The following DOCK7 variants were observed in gnomAD, a reference collection of about 807,000 sequenced individuals.
The protein encoded by DOCK7 is dedicator of cytokinesis 7.
DOCK7 carries 138 observed loss-of-function variants against 271.0 expected under a neutral mutation model. The ratio of observed to expected loss-of-function variants is 0.51; its 90% CI spans 0.44 to 0.59. The LOEUF (loss-of-function observed/expected upper bound fraction) is 0.59, where lower values mean the gene tolerates loss of function less well. Among genes scored for constraint, DOCK7 ranks in the 20% least tolerant of loss-of-function variants. The pLI, the probability that DOCK7 is intolerant of heterozygous loss-of-function variation, is 0.00. For synonymous variants in DOCK7, 823 were observed against 876.1 expected, an observed-to-expected ratio of 0.94 and a Z score of 1.07; for missense variants, 2,066 against 2,592.4, an observed-to-expected ratio of 0.80 and a Z score of 4.41.
In DOCK7 at chr1:62,663,215, T is replaced by G. The variant is rs190105395; in HGVS notation, c.39-85A>C. On this transcript the variant is annotated intron_variant, in intron 1 of 49. Coordinates refer to ENST00000635253, the MANE Select transcript of DOCK7 (RefSeq NM_001367561.1). ...TAAAATGGAGGGAAGCTAAATACAT[T>G]AAAGATTCATTTAAAGAAAAACAAA... The G allele has an allele frequency of 5.0e-4, 515 of 1,024,366 alleles. 3 individuals carry two copies. In the African/African-American group the frequency reaches 7.6e-3, roughly 15 times the overall value. 63.5% of individuals were successfully genotyped at this position (1,024,366 alleles called of 1,614,324 possible).
intron 18 of DOCK7, among the ~76,000 whole-genome samples, chr1:62,574,850 C>G (rs1346402254): frequency 6.6e-6 from 1 of 152,150 alleles, no homozygotes; most frequent in Non-Finnish European, 1.5e-5. Flanking sequence ...ACGCCTCAGC[C>G]TCACAAGTAG....
At chr1:62,540,109 A>G (rs1323067733) in intron 25 of DOCK7, among the ~76,000 whole-genome samples, 2 of 152,104 alleles carry the variant, frequency 1.3e-5, no homozygotes, top group Non-Finnish European at 2.9e-5. Context: ...AAATTATGCT[A>G]GCTAACAATA....
intron 7 of DOCK7, 27 bp from the exon 8 acceptor site, chr1:62,636,630 T>C (rs930609784): frequency 6.5e-7 from 1 of 1,534,154 alleles, no homozygotes. Flanking sequence ...GATAAAATAA[T>C]TTAAAGATAA....
At chr1:62,561,581 A>C (rs1646323565) in intron 19 of DOCK7, 36 bp downstream of exon 19, 19 of 1,322,510 alleles carry the variant, frequency 1.4e-5, no homozygotes, top group Non-Finnish European at 1.7e-5. Context: ...CAATTTATTT[A>C]AGTGAAATTT....
intron 13 of DOCK7, 44 bp downstream of exon 13, chr1:62,619,856 G>T: frequency 8.0e-7 from 1 of 1,248,582 alleles, no homozygotes; most frequent in Non-Finnish European, 1.2e-6. Context: ...ACATAGTAGT[G>T]ATAATAATAG....
chr1:62,548,808 T>A (rs1645798046), intron 22 of DOCK7, among the ~76,000 whole-genome samples: 1 of 152,136 alleles, frequency 6.6e-6, no homozygotes, highest in African/African-American at 2.4e-5. Flanking sequence ...TTAAAACTAG[T>A]ACATTAGTTC....
chr1:62,567,547 G>A (rs141318962), intron 18 of DOCK7, among the ~76,000 whole-genome samples: 14 of 151,908 alleles, frequency 9.2e-5, no homozygotes, highest in Non-Finnish European at 1.6e-4. Context: ...GGGCCTGTTG[G>A]GGGGTGGAGG....
chr1:62,524,955 AT>A (rs1644960977), intron 31 of DOCK7, among the ~76,000 whole-genome samples: 7 of 128,706 alleles, frequency 5.4e-5, no homozygotes, highest in South Asian at 5.0e-4. Context: ...ATATATATAT[AT>A]TACTATAAAC....
chr1:62,633,465 A>C (rs772240601), intron 10 of DOCK7, 33 bp downstream of exon 10: 1 of 1,480,660 alleles, frequency 6.8e-7, no homozygotes, highest in Non-Finnish European at 9.4e-7. Context: ...CAATAGTAAT[A>C]ATGTGGCGGA....
chr1:62,621,048 T>C (rs1225984200), intron 12 of DOCK7, among the ~76,000 whole-genome samples: 1 of 152,014 alleles, frequency 6.6e-6, no homozygotes, highest in African/African-American at 2.4e-5. Flanking sequence ...CATATTTGTG[T>C]TTTCAACTTT....
At chr1:62,617,442 G>A (rs1652583040) in intron 14 of DOCK7, among the ~76,000 whole-genome samples, 1 of 151,946 alleles carries the variant, frequency 6.6e-6, no homozygotes, top group East Asian at 1.9e-4. Context: ...ACTGAGACAG[G>A]AGTAGAAATA....
chr1:62,568,448 G>T (rs1228844403), intron 18 of DOCK7, among the ~76,000 whole-genome samples: 2 of 142,858 alleles, frequency 1.4e-5, no homozygotes, highest in East Asian at 4.1e-4. Context: ...TTACAGGCAC[G>T]TGCCACCATG....
chr1:62,568,918 T>C (rs4527422), intron 18 of DOCK7, among the ~76,000 whole-genome samples: 2 of 151,594 alleles, frequency 1.3e-5, no homozygotes, highest in African/African-American at 4.8e-5. Context: ...ATACCACCAC[T>C]GACCCCACAG....
chr1:62,561,519 C>A, intron 19 of DOCK7, 98 bp downstream of exon 19: 1 of 592,410 alleles, frequency 1.7e-6, no homozygotes, highest in South Asian at 5.5e-5. Flanking sequence ...ACAGCAATGA[C>A]AGATTTATGA....
At chr1:62,536,790 A>C (rs1645358931) in intron 28 of DOCK7, among the ~76,000 whole-genome samples, 1 of 152,240 alleles carries the variant, frequency 6.6e-6, no homozygotes, top group Non-Finnish European at 1.5e-5. Context: ...AAGAGCTTAA[A>C]AAAAGTAGCC....
intron 1 of DOCK7, among the ~76,000 whole-genome samples, chr1:62,669,493 T>C (rs1381278451): frequency 6.6e-6 from 1 of 152,220 alleles, no homozygotes; most frequent in Admixed American, 6.5e-5. Context: ...ATTGGGGTAT[T>C]CTATGCTGTC....
In DOCK7 at chr1:62,618,900, G is replaced by T. The variant is rs1395020064; in HGVS notation, c.1520-32C>A. The T allele has an allele frequency of 5.0e-6, 8 of 1,589,042 alleles. No individual in the cohort carries two copies. In the East Asian group the frequency reaches 1.8e-4, roughly 36 times the overall value. ...ATTATATATTAAAAAACAATGTAAA[G>T]ACAATAAAAAAGTCCACGTTAAACA... On this transcript the variant is annotated intron_variant, in intron 13 of 49. Transcript: ENST00000635253.
chr1:62,510,120 A>AT (rs1171274370), intron 34 of DOCK7, among the ~76,000 whole-genome samples: 2 of 152,214 alleles, frequency 1.3e-5, no homozygotes, highest in African/African-American at 4.8e-5. Flanking sequence ...ATGTAAGTGT[A>AT]TTGTAGGTGT....
At chr1:62,579,695 G>GAA (rs34924913) in intron 16 of DOCK7, among the ~76,000 whole-genome samples, 92 of 63,856 alleles carry the variant, frequency 1.4e-3, no homozygotes, top group African/African-American at 3.6e-3. Context: ...GAGTGAGACC[G>GAA]AAAAAAAAAA....
Sources: allele counts gnomAD v4.1 joint callset (sites outside exome capture counted in the v4.1 genomes callset), GRCh38; gene constraint gnomAD v4.1.1; transcripts MANE v1.5; gene names NCBI Gene and HGNC (gene_info 2026-07-23, HGNC 2026-07-21).